The following CDC14B variants were observed in gnomAD, a reference collection of about 807,000 sequenced individuals.
CDC14B encodes cell division cycle 14B.
A neutral mutation model predicts 64.2 loss-of-function variants in CDC14B; 22 were observed. That is an observed-to-expected ratio of 0.34 (90% CI 0.24 to 0.49). The LOEUF is 0.49. CDC14B is among the 20% of genes least tolerant of loss of function. The pLI is 0.99. For missense variants in CDC14B, 498 were observed against 629.9 expected (o/e 0.79, Z 2.24); for synonymous variants, 191 against 215.8 (o/e 0.89, Z 1.01).
In CDC14B at chr9:96,500,150, C is replaced by T. The variant is rs1484143332; in HGVS notation, c.*3603G>A. The T allele has an allele frequency of 6.6e-6, 1 of 152,656 alleles. No homozygotes were observed. Among genetic ancestry groups the T allele is most frequent in the Admixed American group, 6.5e-5 (1 of 15,290 alleles). 9.5% of individuals were successfully genotyped at this position (152,656 alleles called of 1,614,324 possible). A position where few individuals can be genotyped will look rare whatever the true frequency, so the allele number is the denominator to read the frequency against. On this transcript the variant is annotated 3_prime_UTR_variant, in exon 14 of 14. Transcript: ENST00000375241. ...TTTTAATTACATGATTGTAATTATA[C>T]AATTTCCACTATTCGATATTTTGTA... is the stretch of plus-strand genomic sequence containing the variant.
At chr9:96,542,007 A>G (rs909820730) in intron 5 of CDC14B, 115 bp from the exon 6 acceptor site, 1 of 591,742 alleles carries the variant, frequency 1.7e-6, no homozygotes, top group African/African-American at 1.9e-5. Context: ...ATTATCAAGA[A>G]GAAAAAAATC....
At chr9:96,527,126 C>A (rs1172532525) in intron 9 of CDC14B, among the ~76,000 whole-genome samples, 1 of 152,140 alleles carries the variant, frequency 6.6e-6, no homozygotes, top group Non-Finnish European at 1.5e-5. Flanking sequence ...TGTATTGGGG[C>A]CGGGTGCGGT....
chr9:96,562,777 T>C lies in CDC14B; in HGVS notation c.336A>G (p.Thr112=), dbSNP rs753222798. The change falls in exon 4 of 14, where the codon ACA becomes ACG. Residue 112 remains threonine, a synonymous_variant. Transcript: ENST00000375241. ...AATGAACAATTTTCTTCCTTAACAT[T>C]GTAATGGACTGCATAAAAATAAATA... is the stretch of plus-strand genomic sequence containing the variant. ...CKINKKLKSI[T]MLRKKIVHFT... 3.2e-6 allele frequency: 5 copies of C among 1,584,996 alleles called. No individual in the cohort carries two copies. The South Asian group carries it at 5.6e-5, about 18-fold the overall frequency.
At position 96,619,216 on chromosome 9, in the gene CDC14B, C is replaced by T; in HGVS notation, c.160+3G>A. ...CCCTCCGCGCGCCCACTGGCCGGCTCACCGGTGATGTCCAGGTACACGTCG... is the reference window on the plus strand; with the variant it reads ...CCCTCCGCGCGCCCACTGGCCGGCTTACCGGTGATGTCCAGGTACACGTCG... On this transcript the variant is annotated splice_donor_region_variant and intron_variant, in intron 1 of 13. Coordinates refer to ENST00000375241, the MANE Select transcript of CDC14B (RefSeq NM_033331.4). 1.5e-6 allele frequency: 2 copies of T among 1,305,416 alleles called. No homozygotes were observed. The allele number at this position is 1,305,416 out of a possible 1,614,324, so 80.9% of individuals were successfully genotyped here. A position where few individuals can be genotyped will look rare whatever the true frequency, so the allele number is the denominator to read the frequency against.
chr9:96,594,294 C>G (rs1161870272), intron 1 of CDC14B, among the ~76,000 whole-genome samples: 1 of 152,130 alleles, frequency 6.6e-6, no homozygotes, highest in East Asian at 1.9e-4. Context: ...GCAGCAAGAG[C>G]TCCCAGGACA....
At chr9:96,494,988 C>G (rs1460148014) in intron 13 of CDC14B, among the ~76,000 whole-genome samples, 2 of 151,684 alleles carry the variant, frequency 1.3e-5, no homozygotes, top group Non-Finnish European at 2.9e-5. Context: ...GTACCTGCCA[C>G]CACGCCCGGC....
intron 13 of CDC14B, among the ~76,000 whole-genome samples, chr9:96,494,694 CTCTTT>C (rs1833172890): frequency 6.8e-6 from 1 of 146,600 alleles, no homozygotes; most frequent in Non-Finnish European, 1.5e-5. Context: ...CATCTGAGCA[CTCTTT>C]TCTTTCTTTC....
chr9:96,545,610 G>A (rs993865648), intron 5 of CDC14B, among the ~76,000 whole-genome samples: 2 of 152,072 alleles, frequency 1.3e-5, no homozygotes, highest in African/African-American at 2.4e-5. Flanking sequence ...GAGCCACTGC[G>A]CCTGGCTTGA....
chr9:96,542,072 T>G (rs1840136816), intron 5 of CDC14B, among the ~76,000 whole-genome samples, 180 bp from the exon 6 acceptor site: 1 of 152,246 alleles, frequency 6.6e-6, no homozygotes, highest in Non-Finnish European at 1.5e-5. Context: ...CACTGCAGTT[T>G]CTACCTATTC....
At chr9:96,613,483 C>CCACT in intron 1 of CDC14B, among the ~76,000 whole-genome samples, 1 of 152,342 alleles carries the variant, frequency 6.6e-6, no homozygotes. Flanking sequence ...CTCTGTATGT[C>CCACT]CACTTAAGGA....
intron 1 of CDC14B, among the ~76,000 whole-genome samples, chr9:96,610,861 C>T (rs112013939): frequency 2.6e-5 from 4 of 152,202 alleles, no homozygotes; most frequent in African/African-American, 7.2e-5. Context: ...ACCAACAAAA[C>T]CTTTCATATA....
chr9:96,556,559 C>T (rs1410419114), intron 4 of CDC14B, among the ~76,000 whole-genome samples: 2 of 151,888 alleles, frequency 1.3e-5, no homozygotes, highest in Admixed American at 6.6e-5. Context: ...ACTTATATTT[C>T]AATAGTTTTA....
chr9:96,608,630 A>G (rs113267311), intron 1 of CDC14B, among the ~76,000 whole-genome samples: 5 of 152,322 alleles, frequency 3.3e-5, no homozygotes, highest in African/African-American at 9.6e-5. Context: ...AGTGCCTTCA[A>G]TTTAAGAAGC....
chr9:96,571,748 G>A (rs757044960), intron 1 of CDC14B, among the ~76,000 whole-genome samples: 2 of 152,020 alleles, frequency 1.3e-5, no homozygotes, highest in African/African-American at 4.8e-5. Context: ...TCAGAAAGCC[G>A]GCCTTGGGAA....
chr9:96,548,973 T>C (rs1841394944), intron 5 of CDC14B, among the ~76,000 whole-genome samples: 1 of 152,192 alleles, frequency 6.6e-6, no homozygotes, highest in East Asian at 1.9e-4. Context: ...GTACTTAAAG[T>C]GGCAAGATAC....
chr9:96,595,476 G>C (rs971548915), intron 1 of CDC14B, among the ~76,000 whole-genome samples: 3 of 152,194 alleles, frequency 2.0e-5, no homozygotes, highest in African/African-American at 7.2e-5. Flanking sequence ...ATATCGGTAA[G>C]ATAGGCATCT....
At chr9:96,511,276 A>T (rs1008726447) in intron 12 of CDC14B, among the ~76,000 whole-genome samples, 1 of 152,204 alleles carries the variant, frequency 6.6e-6, no homozygotes, top group Non-Finnish European at 1.5e-5. Context: ...TCTCATCACT[A>T]AAAAAGCAAC....
At chr9:96,543,516 G>A (rs770992988) in intron 5 of CDC14B, among the ~76,000 whole-genome samples, 12 of 152,136 alleles carry the variant, frequency 7.9e-5, no homozygotes, top group Non-Finnish European at 1.6e-4. Flanking sequence ...GATCACTCTA[G>A]TTTTGGGAAA....
chr9:96,588,370 T>C (rs1412209458), intron 1 of CDC14B, among the ~76,000 whole-genome samples: 1 of 152,236 alleles, frequency 6.6e-6, no homozygotes, highest in Non-Finnish European at 1.5e-5. Context: ...CAAAGGATTT[T>C]AAGAGAAATT....
Sources: allele counts gnomAD v4.1 joint callset (sites outside exome capture counted in the v4.1 genomes callset), GRCh38; gene constraint gnomAD v4.1.1; transcripts MANE v1.5; gene names NCBI Gene and HGNC (gene_info 2026-07-23, HGNC 2026-07-21).